The following CNTN4 variants were observed in gnomAD, a reference collection of about 807,000 sequenced individuals.
CNTN4 encodes the protein contactin 4, also known as contactin-4.
Under a neutral mutation model 122.5 loss-of-function variants are expected in CNTN4, and 77 were observed. The observed-to-expected ratio is 0.63, with a 90% CI of 0.52 to 0.76. CNTN4 has a LOEUF of 0.76. Among genes scored for constraint, CNTN4 ranks in the 30% least tolerant of loss-of-function variants. The pLI, the probability that CNTN4 is intolerant of heterozygous loss-of-function variation, is 0.00. For missense variants in CNTN4, 1,256 were observed against 1,259.1 expected (o/e 1.00, Z 0.04); for synonymous variants, 512 against 447.0 (o/e 1.15, Z -1.83).
rs1281554660 is a variant in CNTN4, at chr3:2,270,239, G to A, written c.-144-68939G>A. On this transcript the variant is annotated intron_variant, in intron 2 of 24. Transcript: ENST00000418658. ...GCTGGGATTACAGGCGTGAGCCACCGCGCCCGGCCTATTTATTTATTTACT... is the reference window on the plus strand; with the variant it reads ...GCTGGGATTACAGGCGTGAGCCACCACGCCCGGCCTATTTATTTATTTACT... Among the ~76,000 whole-genome samples the A allele has an allele frequency of 3.5e-4, 13 of 36,710 alleles. 5 individuals are homozygous for A. In the Admixed American group the frequency reaches 3.7e-3, roughly 10 times the overall value. The allele number at this position is 36,710 out of a possible 152,430, so 24.1% of individuals were successfully genotyped here. A position where few individuals can be genotyped will look rare whatever the true frequency, so the allele number is the denominator to read the frequency against.
intron 3 of CNTN4, among the ~76,000 whole-genome samples, chr3:2,439,641 C>T (rs532820944): frequency 4.0e-5 from 6 of 151,890 alleles, no homozygotes; most frequent in South Asian, 2.1e-4. Flanking sequence ...TGTGTGCGCG[C>T]GTGCTTGTGT....
chr3:2,192,774 C>G (rs2320384), intron 2 of CNTN4, among the ~76,000 whole-genome samples: 10,798 of 152,148 alleles, frequency 0.071, 704 homozygotes, highest in East Asian at 0.26. Flanking sequence ...TGATTTTTCT[C>G]TTCTACTTTC....
chr3:2,725,011 C>T (rs1165572894), intron 4 of CNTN4, among the ~76,000 whole-genome samples: 1 of 152,124 alleles, frequency 6.6e-6, no homozygotes, highest in East Asian at 1.9e-4. Context: ...ACAACTAAAG[C>T]GTCAGAAGCC....
At chr3:2,254,856 GTTTC>G (rs1333656347) in intron 2 of CNTN4, among the ~76,000 whole-genome samples, 1 of 152,136 alleles carries the variant, frequency 6.6e-6, no homozygotes, top group Non-Finnish European at 1.5e-5. Context: ...TCTGATGATA[GTTTC>G]TTTTGCTGTG....
At chr3:2,519,521 C>T (rs1417316592) in intron 3 of CNTN4, among the ~76,000 whole-genome samples, 1 of 152,154 alleles carries the variant, frequency 6.6e-6, no homozygotes, top group Non-Finnish European at 1.5e-5. Context: ...TCTTGCATTT[C>T]TTTTCACATT....
At chr3:2,952,779 C>T (rs1044314470) in intron 13 of CNTN4, among the ~76,000 whole-genome samples, 2 of 152,164 alleles carry the variant, frequency 1.3e-5, no homozygotes, top group African/African-American at 2.4e-5. Flanking sequence ...ACATCAATTG[C>T]ATCAAATCTC....
At position 2,819,487 on chromosome 3, in the gene CNTN4, T is replaced by C. The variant is rs1012598240; in HGVS notation, c.360T>C (p.Tyr120=). The stretch of plus-strand genomic sequence containing the variant: ...TTTTTCCCATATTTCTCCCAACAGA[T>C]CTTGACAACTTTAAAACAAGAACAA... The part of the protein sequence containing the change: ...VSREAKLQFA[Y]LDNFKTRTRS... Residue 120 remains tyrosine, a splice_region_variant and synonymous_variant, in exon 7 of 25, where the codon TAT becomes TAC. Coordinates refer to ENST00000418658, the MANE Select transcript of CNTN4 (RefSeq NM_175607.3). 1.2e-6 allele frequency: 2 copies of C among 1,612,632 alleles called. No individual in the cohort carries two copies. Among genetic ancestry groups the C allele is most frequent in the African/African-American group, 2.7e-5 (2 of 74,896 alleles).
At chr3:2,345,081 G>T (rs1000353053) in intron 3 of CNTN4, among the ~76,000 whole-genome samples, 5 of 152,188 alleles carry the variant, frequency 3.3e-5, no homozygotes, top group Non-Finnish European at 5.9e-5. Context: ...TACCTGTGCT[G>T]AGAGAGGAGT....
At position 2,725,570 on chromosome 3, in the gene CNTN4, TACA is replaced by T. The variant is rs1454406235; in HGVS notation, c.56-10640_56-10638del. 5.9e-5 allele frequency among the ~76,000 whole-genome samples: 9 copies of T among 152,330 alleles called. No homozygotes were observed. The East Asian group carries it at 1.5e-3, about 26-fold the overall frequency. On this transcript the variant is annotated intron_variant, in intron 4 of 24. Coordinates refer to ENST00000418658, the MANE Select transcript of CNTN4 (RefSeq NM_175607.3). ...TAGATTGTAGTTATATATATTTTTT[TACA>T]ACAAGAAACTGTCCTGTAGTGGGGA...
chr3:2,346,665 A>C (rs1328380544), intron 3 of CNTN4, among the ~76,000 whole-genome samples: 1 of 152,126 alleles, frequency 6.6e-6, no homozygotes, highest in Non-Finnish European at 1.5e-5. Context: ...ATTGTTTTCT[A>C]TCCTTTATTA....
chr3:2,178,187 G>A (rs1310170590), intron 2 of CNTN4, among the ~76,000 whole-genome samples: 1 of 152,046 alleles, frequency 6.6e-6, no homozygotes, highest in African/African-American at 2.4e-5. Context: ...AGAGCTTTGA[G>A]CTTCTCAAGG....
intron 14 of CNTN4, among the ~76,000 whole-genome samples, chr3:3,003,545 A>C (rs1350151620): frequency 6.6e-6 from 1 of 152,090 alleles, no homozygotes; most frequent in Non-Finnish European, 1.5e-5. Flanking sequence ...GAATAGGAAA[A>C]TTTATAGAAA....
At chr3:2,303,731 C>A (rs1259669415) in intron 2 of CNTN4, among the ~76,000 whole-genome samples, 1 of 152,158 alleles carries the variant, frequency 6.6e-6, no homozygotes, top group Admixed American at 6.6e-5. Flanking sequence ...GCTGCTAGTT[C>A]TCTTTCAGCA....
chr3:2,217,979 C>G (rs999661598), intron 2 of CNTN4, among the ~76,000 whole-genome samples: 1 of 152,198 alleles, frequency 6.6e-6, no homozygotes, highest in African/African-American at 2.4e-5. Context: ...AGATAAATAA[C>G]GAAATTTGTG....
intron 2 of CNTN4, among the ~76,000 whole-genome samples, chr3:2,121,084 C>T (rs1200524835): frequency 1.4e-5 from 2 of 143,420 alleles, no homozygotes; most frequent in African/African-American, 4.9e-5. Context: ...TCCTCCCTCC[C>T]TTCCTTCCCT....
intron 13 of CNTN4, among the ~76,000 whole-genome samples, chr3:2,930,827 C>T (rs1039572805): frequency 2.0e-5 from 3 of 152,140 alleles, no homozygotes; most frequent in Non-Finnish European, 4.4e-5. Flanking sequence ...AGACATGAAC[C>T]TAGCTAGCCC....
chr3:2,416,136 A>T (rs2047403161), intron 3 of CNTN4, among the ~76,000 whole-genome samples: 1 of 152,128 alleles, frequency 6.6e-6, no homozygotes, highest in South Asian at 2.1e-4. Flanking sequence ...TATATATATG[A>T]CAATGGTTTT....
At chr3:2,815,896 G>C (rs1206187869) in intron 6 of CNTN4, among the ~76,000 whole-genome samples, 1 of 135,896 alleles carries the variant, frequency 7.4e-6, no homozygotes, top group Non-Finnish European at 1.5e-5. Context: ...ATATATGATG[G>C]AATACTATGT....
intron 6 of CNTN4, among the ~76,000 whole-genome samples, chr3:2,749,081 A>T (rs2089956534): frequency 6.6e-6 from 1 of 152,132 alleles, no homozygotes; most frequent in South Asian, 2.1e-4. Context: ...AGCAATTTCC[A>T]TCATTTCTCC....
Sources: gnomAD v4.1 joint callset for allele counts (sites outside exome capture counted in the v4.1 genomes callset) on GRCh38, gnomAD v4.1.1 for gene constraint, MANE v1.5 for transcripts, NCBI Gene and HGNC (gene_info 2026-07-23, HGNC 2026-07-21) for gene names.